The following PTPRD variants were observed in gnomAD, a reference collection of about 807,000 sequenced individuals.
PTPRD encodes protein tyrosine phosphatase receptor type D.
A neutral mutation model predicts 214.5 loss-of-function variants in PTPRD; 34 were observed. That is an observed-to-expected ratio of 0.16 (90% CI 0.12 to 0.21). The LOEUF is 0.21. Ranked by LOEUF, PTPRD falls within the 10% of genes least tolerant of loss-of-function variation. The pLI is 1.00. For missense variants in PTPRD, 2,545 were observed against 2,398.7 expected (o/e 1.06, Z -1.27); for synonymous variants, 1,128 against 845.7 (o/e 1.33, Z -5.79).
chr9:8,781,888 A>G (rs77595062), intron 11 of PTPRD, among the ~76,000 whole-genome samples: 16,597 of 152,182 alleles, frequency 0.11, 1,041 homozygotes, highest in South Asian at 0.16. Flanking sequence ...CAGGCCAGCA[A>G]GTGGGTCAGC....
chr9:9,889,163 C>T (rs112648615), intron 5 of PTPRD, among the ~76,000 whole-genome samples: 2,139 of 151,764 alleles, frequency 0.014, 29 homozygotes, highest in African/African-American at 0.04. Context: ...TGAGAGGATA[C>T]GAAATTTTAG....
intron 3 of PTPRD, among the ~76,000 whole-genome samples, chr9:10,205,321 A>T (rs995106945): frequency 6.6e-6 from 1 of 151,956 alleles, no homozygotes; most frequent in African/African-American, 2.4e-5. Context: ...TATTAATTTA[A>T]TAAAGTTGTG....
At chr9:10,405,409 G>C (rs532972631) in intron 2 of PTPRD, among the ~76,000 whole-genome samples, 3 of 151,690 alleles carry the variant, frequency 2.0e-5, no homozygotes, top group South Asian at 2.1e-4. Context: ...TCTGGTCCTG[G>C]AGGGGAGAAA....
intron 10 of PTPRD, among the ~76,000 whole-genome samples, chr9:9,155,234 G>C (rs1592566188): frequency 6.6e-6 from 1 of 152,104 alleles, no homozygotes; most frequent in Non-Finnish European, 1.5e-5. Flanking sequence ...TAGAAATCTA[G>C]TAACTAGATT....
intron 3 of PTPRD, among the ~76,000 whole-genome samples, chr9:10,039,318 G>T (rs1171744197): frequency 2.6e-5 from 4 of 151,988 alleles, no homozygotes; most frequent in African/African-American, 9.7e-5. Context: ...GGTAAAGACT[G>T]AAAAATCCCA....
At chr9:8,488,580 AAC>A (rs1335680642) in intron 27 of PTPRD, among the ~76,000 whole-genome samples, 1 of 152,218 alleles carries the variant, frequency 6.6e-6, no homozygotes, top group Admixed American at 6.5e-5. Flanking sequence ...CTTAACGACC[AAC>A]ACACACTCTC....
chr9:10,246,923 AAAAT>A (rs1271024315), intron 3 of PTPRD, among the ~76,000 whole-genome samples: 2 of 151,710 alleles, frequency 1.3e-5, no homozygotes, highest in Non-Finnish European at 2.9e-5. Context: ...CAATAAATAT[AAAAT>A]AAATAAATAA....
intron 10 of PTPRD, chr9:9,090,959 T>C (rs2099774705): frequency 1.9e-6 from 3 of 1,577,720 alleles, no homozygotes; most frequent in East Asian, 4.5e-5. Context: ...GTGCAGCCTA[T>C]TCGCTGCACT....
At chr9:9,988,433 G>C (rs2095797596) in intron 4 of PTPRD, among the ~76,000 whole-genome samples, 1 of 152,060 alleles carries the variant, frequency 6.6e-6, no homozygotes, top group Admixed American at 6.6e-5. Flanking sequence ...CAAGCATGCA[G>C]CTCAAACTGA....
intron 9 of PTPRD, among the ~76,000 whole-genome samples, chr9:9,322,612 G>C (rs1411570892): frequency 1.3e-5 from 2 of 152,110 alleles, no homozygotes; most frequent in Non-Finnish European, 2.9e-5. Flanking sequence ...ATGCATGTCA[G>C]GATCTCGGCC....
intron 5 of PTPRD, among the ~76,000 whole-genome samples, chr9:9,859,377 T>G (rs562288618): frequency 9.9e-5 from 15 of 152,210 alleles, no homozygotes; most frequent in Non-Finnish European, 1.9e-4. Context: ...GATTCTAAAG[T>G]TGAGTCTGAG....
At chr9:9,571,754 G>A (rs2086490285) in intron 8 of PTPRD, among the ~76,000 whole-genome samples, 1 of 150,596 alleles carries the variant, frequency 6.6e-6, no homozygotes, top group Non-Finnish European at 1.5e-5. Context: ...ACTACATATT[G>A]CTTATTTTAA....
intron 8 of PTPRD, among the ~76,000 whole-genome samples, chr9:9,526,901 T>C (rs1018843323): frequency 1.2e-4 from 18 of 152,308 alleles, no homozygotes; most frequent in African/African-American, 4.3e-4. Context: ...ATTTTTATTA[T>C]AAAATTGCTT....
intron 11 of PTPRD, among the ~76,000 whole-genome samples, chr9:8,847,461 T>C (rs566385324): frequency 3.5e-4 from 53 of 152,120 alleles, no homozygotes; most frequent in Non-Finnish European, 1.0e-4. Flanking sequence ...TATGGCTAAA[T>C]AGGCCAGTGT....
At chr9:9,881,673 T>G (rs2068738273) in intron 5 of PTPRD, among the ~76,000 whole-genome samples, 1 of 152,144 alleles carries the variant, frequency 6.6e-6, no homozygotes, top group Non-Finnish European at 1.5e-5. Flanking sequence ...ATAGATTGGT[T>G]GTATTAAGGT....
intron 5 of PTPRD, among the ~76,000 whole-genome samples, chr9:9,905,863 G>A (rs1175171186): frequency 6.6e-6 from 1 of 151,980 alleles, no homozygotes; most frequent in Admixed American, 6.6e-5. Flanking sequence ...AGGTATAAGT[G>A]CAAACTCATG....
intron 9 of PTPRD, among the ~76,000 whole-genome samples, chr9:9,353,941 T>C (rs1480562744): frequency 6.6e-6 from 1 of 151,756 alleles, no homozygotes; most frequent in Non-Finnish European, 1.5e-5. Context: ...TTTCAGGTTA[T>C]TGAAAAAAAT....
At chr9:9,243,431 G>C (rs540828710) in intron 9 of PTPRD, among the ~76,000 whole-genome samples, 1 of 152,232 alleles carries the variant, frequency 6.6e-6, no homozygotes, top group African/African-American at 2.4e-5. Context: ...ACATCAAAAA[G>C]CTTATCCACC....
chr9:10,264,284 G>T (rs1191425017), intron 3 of PTPRD, among the ~76,000 whole-genome samples: 1 of 152,108 alleles, frequency 6.6e-6, no homozygotes, highest in Non-Finnish European at 1.5e-5. Context: ...TAGATCCATT[G>T]ACAGCTTGCA....
Sources: gnomAD v4.1 joint callset for allele counts (sites outside exome capture counted in the v4.1 genomes callset) on GRCh38, gnomAD v4.1.1 for gene constraint, MANE v1.5 for transcripts, NCBI Gene and HGNC (gene_info 2026-07-23, HGNC 2026-07-21) for gene names.